CFAP46: variants seen among roughly 807,000 people sequenced by gnomAD.
CFAP46 encodes cilia- and flagella-associated protein 46.
CFAP46 carries 245 observed loss-of-function variants against 325.7 expected under a neutral mutation model. That is an observed-to-expected ratio of 0.75 (90% CI 0.68 to 0.84). The LOEUF is 0.84. CFAP46 is among the 40% of genes least tolerant of loss of function. CFAP46 has a pLI of 0.00. For missense variants in CFAP46, 3,346 were observed against 3,543.0 expected (o/e 0.94, Z 1.41); for synonymous variants, 1,523 against 1,495.9 (o/e 1.02, Z -0.42).
chr10:132,924,871 T>A lies in CFAP46; in HGVS notation c.1081A>T (p.Ile361Leu). ...TGCAGCGCGACGTCTAGCCTCTGTA[T>A]GATATCCAGCTGGGCCTGCGGAGAA... ...RAAVEAQLDI[I>L]QRLDVALQRA... Residue 361 changes from isoleucine to leucine, a missense_variant, in exon 11 of 58, where the codon ATA (isoleucine) becomes TTA (leucine). By Grantham distance (5) the Ile-to-Leu change is conservative. Transcript: ENST00000368586. 7.2e-7 allele frequency: 1 copy of A among 1,396,098 alleles called. No homozygotes were observed. Among genetic ancestry groups the A allele is most frequent in the Non-Finnish European group, 9.4e-7 (1 of 1,068,036 alleles). 86.5% of individuals were successfully genotyped at this position (1,396,098 alleles called of 1,614,324 possible). A position where few individuals can be genotyped will look rare whatever the true frequency, so the allele number is the denominator to read the frequency against.
At chr10:132,814,985 T>C in intron 50 of CFAP46, 71 bp from the exon 51 acceptor site, 1 of 1,355,336 alleles carries the variant, frequency 7.4e-7, no homozygotes. Flanking sequence ...ACACGGTCGG[T>C]TAATTTCATG....
At chr10:132,906,176 C>A (rs1312181352) in intron 22 of CFAP46, among the ~76,000 whole-genome samples, 1 of 152,260 alleles carries the variant, frequency 6.6e-6, no homozygotes, top group African/African-American at 2.4e-5. Context: ...CCCTCTAGCC[C>A]CCCTTGTGAA....
intron 26 of CFAP46, 85 bp from the exon 27 acceptor site, chr10:132,885,371 C>A: frequency 7.6e-7 from 1 of 1,308,794 alleles, no homozygotes; most frequent in Non-Finnish European, 1.0e-6. Context: ...ACTTATTCCT[C>A]CACCTCCAGC....
intron 44 of CFAP46, among the ~76,000 whole-genome samples, chr10:132,845,405 C>T (rs1465843856): frequency 6.6e-6 from 1 of 152,168 alleles, no homozygotes; most frequent in African/African-American, 2.4e-5. Context: ...GATGCTGCCC[C>T]CGCCCCACCC....
At position 132,847,375 on chromosome 10, in the gene CFAP46, G is replaced by A. The variant is rs759147095; in HGVS notation, c.5953-54C>T. 50 of 1,601,044 alleles carry A rather than the reference G, an allele frequency of 3.1e-5. No homozygotes were observed. The highest frequency in any genetic ancestry group is 1.2e-4 in the African/African-American group (9 of 74,688). ...ACTTCTGGGTTCCTGCTTGGTCGGC[G>A]TGGGGAGGGCCCACCCAGGGAGGCC... On this transcript the variant is annotated intron_variant, in intron 41 of 57. Transcript: ENST00000368586. The surrounding 1 kb of genome is among the most constrained non-coding windows in gnomAD (Gnocchi z 5.2).
intron 39 of CFAP46, among the ~76,000 whole-genome samples, chr10:132,854,413 T>C (rs1213894379): frequency 6.6e-6 from 1 of 152,220 alleles, no homozygotes; most frequent in African/African-American, 2.4e-5. Flanking sequence ...CGCCACTCAC[T>C]GCAAGCTCTT....
Position 132,828,012 on chromosome 10 carries a change from C to T in CFAP46, c.7117+5346G>A, listed in dbSNP as rs1205348446. On this transcript the variant is annotated intron_variant, in intron 50 of 57. Coordinates refer to ENST00000368586, the MANE Select transcript of CFAP46 (RefSeq NM_001200049.3). The surrounding 1 kb of genome is among the most constrained non-coding windows in gnomAD (Gnocchi z 4.9). ...TGAGCCCCGTCTACGCTGTCCCACG[C>T]ACCAACAGCTCGCCCCTCATTGCCG... 4.0e-5 allele frequency among the ~76,000 whole-genome samples: 6 copies of T among 151,862 alleles called. No homozygotes were observed. The highest frequency in any genetic ancestry group is 1.5e-4 in the African/African-American group (6 of 41,140).
At position 132,834,143 on chromosome 10, in the gene CFAP46, T is replaced by C; in HGVS notation, c.6867-20A>G. On this transcript the variant is annotated intron_variant, in intron 48 of 57. Transcript: ENST00000368586. ...TGCACTCTGAAAGTCAGGTTATATA[T>C]TCGGGTTTAAGAAACAGAGATAACA... The C allele has an allele frequency of 1.9e-6, 3 of 1,612,752 alleles. No homozygotes were observed. Among genetic ancestry groups the C allele is most frequent in the Non-Finnish European group, 2.5e-6 (3 of 1,179,082 alleles).
rs140795602 is a variant in CFAP46 at position 132,916,475 on chromosome 10, G to A, written c.2120+74C>T. On this transcript the variant is annotated intron_variant, in intron 17 of 57. Coordinates refer to ENST00000368586, the MANE Select transcript of CFAP46 (RefSeq NM_001200049.3). ...GAATGCAAAGGGTGTCCCTCCCCAC[G>A]CCAGCCTGAGTGCAGGGGACACTCT... 5.3e-4 allele frequency: 758 copies of A among 1,442,646 alleles called. 10 individuals are homozygous for A. In the African/African-American group the frequency reaches 9.6e-3, roughly 18 times the overall value. The allele number at this position is 1,442,646 out of a possible 1,614,324, so 89.4% of individuals were successfully genotyped here.
At chr10:132,929,881 CCCCG>C (rs1849866800) in intron 8 of CFAP46, 77 bp from the exon 9 acceptor site, 9 of 994,280 alleles carry the variant, frequency 9.1e-6, no homozygotes, top group Non-Finnish European at 1.4e-5. Context: ...AATCCATGTC[CCCCG>C]TTCAAGCAGA....
chr10:132,832,880 G>C lies in CFAP46; in HGVS notation c.7117+478C>G. The C allele has an allele frequency of 2.2e-6, 1 of 463,272 alleles. No individual in the cohort carries two copies. Among genetic ancestry groups the C allele is most frequent in the South Asian group, 1.6e-5 (1 of 64,418 alleles). The allele number at this position is 463,272 out of a possible 1,614,324, so 28.7% of individuals were successfully genotyped here. A position where few individuals can be genotyped will look rare whatever the true frequency, so the allele number is the denominator to read the frequency against. ...TTGAAACAGGTATTTGTGGGGGCAA[G>C]AACAGCGTTAAGTTTGTCTTCCCTG... On this transcript the variant is annotated intron_variant, in intron 50 of 57. Transcript: ENST00000368586. The surrounding 1 kb of genome is among the most constrained non-coding windows in gnomAD (Gnocchi z 4.1).
At position 132,847,438 on chromosome 10, in the gene CFAP46, G is replaced by C; in HGVS notation, c.5953-117C>G. 8.1e-7 allele frequency: 1 copy of C among 1,232,432 alleles called. No individual in the cohort carries two copies. The highest frequency in any genetic ancestry group is 1.2e-6 in the Non-Finnish European group (1 of 866,728). 76.3% of individuals were successfully genotyped at this position (1,232,432 alleles called of 1,614,324 possible). ...CTCCTCAGCAGGGTCCCCGGGTAGG[G>C]GGTACCGCAGGCCACAGCATGGCCT... On this transcript the variant is annotated intron_variant, in intron 41 of 57. Coordinates refer to ENST00000368586, the MANE Select transcript of CFAP46 (RefSeq NM_001200049.3). The surrounding 1 kb of genome is among the most constrained non-coding windows in gnomAD (Gnocchi z 5.2).
chr10:132,930,754 C>T (rs1591098008), intron 8 of CFAP46, among the ~76,000 whole-genome samples: 1 of 89,268 alleles, frequency 1.1e-5, no homozygotes, highest in African/African-American at 4.8e-5. Context: ...CTCCTCCCCA[C>T]ACAGAGCCTG....
chr10:132,928,313 G>A lies in CFAP46; in HGVS notation c.966+1392C>T, dbSNP rs999544982. On this transcript the variant is annotated intron_variant, in intron 9 of 57. Transcript: ENST00000368586. ...CATTCTGAATTGGGGACACCGTGCC[G>A]TGAAAACCCAGAAGATGGAAATGGG... Among the ~76,000 whole-genome samples the A allele has an allele frequency of 5.1e-4, 77 of 152,148 alleles. 1 individual carries two copies. The highest frequency in any genetic ancestry group is 2.0e-4 in the Admixed American group (3 of 15,276).
rs777604539 is a variant in CFAP46 at position 132,808,741 on chromosome 10, A to G, written c.7828T>C (p.Ser2610Pro). 2 of 1,575,744 alleles carry G rather than the reference A, an allele frequency of 1.3e-6. No individual in the cohort carries two copies. Among genetic ancestry groups the G allele is most frequent in the Non-Finnish European group, 1.7e-6 (2 of 1,160,858 alleles). The change falls in exon 58 of 58, where the codon TCT becomes CCT. Residue 2610 changes from serine (S) to proline (P), a missense_variant. Physicochemically the swap from Ser to Pro is moderately conservative, Grantham distance 74. Transcript: ENST00000368586. The surrounding 1 kb of genome is among the most constrained non-coding windows in gnomAD (Gnocchi z 6.8). Reference sequence around the variant, plus strand: ...GGCAGAGGGGCAGAGCCAAGGGCAGAGGCAAGTGCTGGGGCCCCAGCAGCT... The same window carrying G: ...GGCAGAGGGGCAGAGCCAAGGGCAGGGGCAAGTGCTGGGGCCCCAGCAGCT... ...PSAAGAPALA[S>P]ALGSAPLPTH...
rs566035414 is a variant in CFAP46, at chr10:132,869,831, C to T, written c.4512-459G>A. ...CCACGCCTGCTCCAGCCTCCTCTCCCGTGCCCGCCCCTGGGATATCTGAGC... is the reference window on the plus strand; with the variant it reads ...CCACGCCTGCTCCAGCCTCCTCTCCTGTGCCCGCCCCTGGGATATCTGAGC... On this transcript the variant is annotated intron_variant, in intron 32 of 57. Transcript: ENST00000368586. The surrounding 1 kb of genome is among the most constrained non-coding windows in gnomAD (Gnocchi z 6.2). Among the ~76,000 whole-genome samples, 2 of 152,352 alleles carry T rather than the reference C, an allele frequency of 1.3e-5. No individual in the cohort carries two copies. The highest frequency in any genetic ancestry group is 3.9e-4 in the East Asian group (2 of 5,188).
chr10:132,882,087 G>A (rs1022563725), intron 27 of CFAP46, among the ~76,000 whole-genome samples: 1 of 149,524 alleles, frequency 6.7e-6, no homozygotes, highest in Non-Finnish European at 1.5e-5. Context: ...TGTGAGTGGT[G>A]CGTGTGGGAT....
In CFAP46 at chr10:132,869,037, C is replaced by T. The variant is rs1000032104; in HGVS notation, c.4610+237G>A. Among the ~76,000 whole-genome samples, 8 of 152,342 alleles carry T rather than the reference C, an allele frequency of 5.3e-5. No homozygotes were observed. The highest frequency in any genetic ancestry group is 2.1e-4 in the South Asian group (1 of 4,830). ...CCTTTCTGTCCTCCGGGGAGGGGCT[C>T]GGGCCACCCTGGAGAGCCCCCCTCA... On this transcript the variant is annotated intron_variant, in intron 33 of 57. Coordinates refer to ENST00000368586, the MANE Select transcript of CFAP46 (RefSeq NM_001200049.3). The surrounding 1 kb of genome is among the most constrained non-coding windows in gnomAD (Gnocchi z 6.2).
chr10:132,908,365 G>C (rs1324611006), intron 22 of CFAP46, 103 bp downstream of exon 22: 2 of 1,393,262 alleles, frequency 1.4e-6, no homozygotes, highest in Non-Finnish European at 2.0e-6. Context: ...CCGTTTTGGG[G>C]AACTGGTGGG....
Sources: allele counts gnomAD v4.1 joint callset (sites outside exome capture counted in the v4.1 genomes callset), GRCh38; gene constraint gnomAD v4.1.1; non-coding constraint Gnocchi (gnomAD v3.1); transcripts MANE v1.5; gene names NCBI Gene and HGNC (gene_info 2026-07-23, HGNC 2026-07-21).